The following VPS53 variants were observed in gnomAD, a reference collection of about 807,000 sequenced individuals.
VPS53 encodes the protein VPS53 subunit of GARP complex.
A neutral mutation model predicts 107.0 loss-of-function variants in VPS53; 70 were observed. The ratio of observed to expected loss-of-function variants is 0.65; its 90% CI spans 0.54 to 0.80. The LOEUF is 0.80. Ranked by LOEUF, VPS53 falls within the 30% of genes least tolerant of loss-of-function variation. The pLI, the probability that VPS53 is intolerant of heterozygous loss-of-function variation, is 0.00. For synonymous variants in VPS53, 409 were observed against 393.3 expected (o/e 1.04, Z -0.47); for missense variants, 917 against 1,049.4 (o/e 0.87, Z 1.74).
chr17:686,605 G>A (rs914818995), intron 4 of VPS53, among the ~76,000 whole-genome samples: 2 of 152,162 alleles, frequency 1.3e-5, no homozygotes, highest in East Asian at 1.9e-4. Flanking sequence ...AGAACAGCAC[G>A]CTGAAGGCAG....
At chr17:583,185 C>A (rs1296628232) in intron 13 of VPS53, among the ~76,000 whole-genome samples, 2 of 150,088 alleles carry the variant, frequency 1.3e-5, no homozygotes, top group Admixed American at 6.6e-5. Flanking sequence ...TCCCTCAGAA[C>A]CTAATATGTT....
chr17:687,068 T>C (rs924895825), intron 4 of VPS53, among the ~76,000 whole-genome samples: 1 of 152,042 alleles, frequency 6.6e-6, no homozygotes, highest in African/African-American at 2.4e-5. Context: ...GCAGATCACC[T>C]GAGATCAGAA....
In VPS53 at chr17:524,118, G is replaced by A. The variant is rs1908949372; in HGVS notation, c.2086-2380C>T. On this transcript the variant is annotated intron_variant, in intron 19 of 21. Transcript: ENST00000437048. This position sits in a 1 kb window ranked among gnomAD's most constrained non-coding sequence, Gnocchi z 4.5. ...GTTCGAGACCAGCCTGGCCAACATGGAGAAACCCCATCTCTACTAAAAATA... is the reference window on the plus strand; with the variant it reads ...GTTCGAGACCAGCCTGGCCAACATGAAGAAACCCCATCTCTACTAAAAATA... Among the ~76,000 whole-genome samples, 1 of 152,158 alleles carries A rather than the reference G, an allele frequency of 6.6e-6. No homozygotes were observed. The highest frequency in any genetic ancestry group is 1.5e-5 in the Non-Finnish European group (1 of 68,040).
intron 17 of VPS53, among the ~76,000 whole-genome samples, chr17:549,300 G>A (rs1201665747): frequency 6.6e-6 from 1 of 152,186 alleles, no homozygotes; most frequent in Admixed American, 6.5e-5. Context: ...GTGACCACTT[G>A]GCTTGTTTAT....
At chr17:596,084 G>A (rs1244934401) in intron 12 of VPS53, among the ~76,000 whole-genome samples, 3 of 152,208 alleles carry the variant, frequency 2.0e-5, no homozygotes, top group African/African-American at 4.8e-5. Context: ...ACTGTACCTC[G>A]CTGTACTAGG....
intron 5 of VPS53, chr17:657,053 C>A: frequency 1.1e-6 from 1 of 890,936 alleles, no homozygotes; most frequent in Non-Finnish European, 1.9e-6. Flanking sequence ...ATATGGCTTG[C>A]CAGTGTCGAA....
chr17:626,776 A>G (rs1969728746), intron 10 of VPS53, among the ~76,000 whole-genome samples: 1 of 152,228 alleles, frequency 6.6e-6, no homozygotes, highest in South Asian at 2.1e-4. Context: ...TCATTAAGGT[A>G]GATACTACCC....
intron 13 of VPS53, among the ~76,000 whole-genome samples, chr17:574,861 G>C (rs1226133889): frequency 6.6e-6 from 1 of 152,208 alleles, no homozygotes; most frequent in African/African-American, 2.4e-5. Context: ...TGGCTGAAAA[G>C]AGTCATCCAG....
rs1271208503 is a variant in VPS53 at position 511,505 on chromosome 17, TTTTTA to T, written c.*7618_*7622del. 6.6e-6 allele frequency: 1 copy of T among 152,188 alleles called. No individual in the cohort carries two copies. Among genetic ancestry groups the T allele is most frequent in the African/African-American group, 2.4e-5 (1 of 41,450 alleles). 9.4% of individuals were successfully genotyped at this position (152,188 alleles called of 1,614,324 possible). On this transcript the variant is annotated 3_prime_UTR_variant, in exon 22 of 22. Transcript: ENST00000437048. ...CCAGGAGGCGGGACGTTGGACGCTATTTTTATTTTAACATCTCATATTGCCCCAGG... is the reference window on the plus strand; with the variant it reads ...CCAGGAGGCGGGACGTTGGACGCTATTTTTAACATCTCATATTGCCCCAGG...
chr17:611,681 A>C (rs1968882070), intron 11 of VPS53, among the ~76,000 whole-genome samples: 1 of 152,280 alleles, frequency 6.6e-6, no homozygotes, highest in African/African-American at 2.4e-5. Context: ...TATTCACAGC[A>C]GTATTCACAT....
At chr17:526,544 A>T (rs1909140830) in intron 19 of VPS53, among the ~76,000 whole-genome samples, 1 of 152,224 alleles carries the variant, frequency 6.6e-6, no homozygotes, top group Non-Finnish European at 1.5e-5. Context: ...CTGTGCAAAG[A>T]CAAGACAGAA....
rs1176625735 is a variant in VPS53, at chr17:562,588, C to T, written c.1471G>A (p.Gly491Arg). The change falls in exon 14 of 22, where the codon GGG becomes AGG. Residue 491 changes from glycine (G) to arginine (R), a missense_variant. Transcript: ENST00000437048. The part of the protein sequence containing the change: ...CMVQCSQLST[G>R]EPMIALTTIF... ...GTGGTCAGGGCGATCATGGGCTCCC[C>T]AGTACTGAGCTGAGAGCATTGCACC... The T allele has an allele frequency of 6.2e-7, 1 of 1,613,904 alleles. No homozygotes were observed. Among genetic ancestry groups the T allele is most frequent in the Non-Finnish European group, 8.5e-7 (1 of 1,179,976 alleles).
At chr17:572,977 A>G (rs980376411) in intron 13 of VPS53, among the ~76,000 whole-genome samples, 4 of 151,932 alleles carry the variant, frequency 2.6e-5, no homozygotes, top group Admixed American at 6.6e-5. Context: ...CTATTGTCCT[A>G]TGACCCTGCC....
intron 7 of VPS53, among the ~76,000 whole-genome samples, chr17:640,526 T>G (rs1970381131): frequency 1.3e-5 from 2 of 152,170 alleles, no homozygotes; most frequent in Admixed American, 6.5e-5. Flanking sequence ...CTGTTCCTAT[T>G]CAGCCATCTT....
At chr17:680,596 T>C (rs770013603) in intron 4 of VPS53, among the ~76,000 whole-genome samples, 1 of 152,230 alleles carries the variant, frequency 6.6e-6, no homozygotes. Context: ...GTCTATTTTC[T>C]GGCAAAAGTG....
intron 4 of VPS53, among the ~76,000 whole-genome samples, chr17:666,690 CAT>C (rs1971703688): frequency 6.6e-6 from 1 of 151,444 alleles, no homozygotes; most frequent in Non-Finnish European, 1.5e-5. Flanking sequence ...ACAAAAAACT[CAT>C]GTGGATCATG....
intron 3 of VPS53, among the ~76,000 whole-genome samples, chr17:698,709 A>C (rs1032701475): frequency 2.6e-5 from 4 of 152,022 alleles, no homozygotes; most frequent in Non-Finnish European, 5.9e-5. Flanking sequence ...TTTTGAAAAA[A>C]AAACAGAAAA....
At chr17:714,580 C>G (rs370619158) in intron 1 of VPS53, 43 bp downstream of exon 1, 2 of 1,570,296 alleles carry the variant, frequency 1.3e-6, no homozygotes, top group Non-Finnish European at 1.7e-6. Context: ...GCCGTCTCCC[C>G]TCCCGCACTC....
intron 12 of VPS53, among the ~76,000 whole-genome samples, chr17:597,962 C>CTCTCCCTCTCCCTCTCCCTCTCCCCACGG (rs1968061466): frequency 7.1e-6 from 1 of 141,308 alleles, no homozygotes; most frequent in African/African-American, 2.6e-5. Flanking sequence ...CTCCCTCTCC[C>CTCTCCCTCTCCCTCTCCCTCTCCCCACGG]TCTCCCTCTC....
Sources: gnomAD v4.1 joint callset for allele counts (sites outside exome capture counted in the v4.1 genomes callset) on GRCh38, gnomAD v4.1.1 for gene constraint, Gnocchi (gnomAD v3.1) non-coding constraint, MANE v1.5 for transcripts, NCBI Gene and HGNC (gene_info 2026-07-23, HGNC 2026-07-21) for gene names.